The following LHFPL3 variants were observed in gnomAD, a reference collection of about 807,000 sequenced individuals.
The protein encoded by LHFPL3 is LHFPL tetraspan subfamily member 3.
In LHFPL3, 5 loss-of-function variants were observed where a neutral mutation model predicts 19.3. That is an observed-to-expected ratio of 0.26 (90% confidence interval 0.14 to 0.54). LHFPL3 has a LOEUF of 0.54. Ranked by LOEUF, LHFPL3 falls within the 20% of genes least tolerant of loss-of-function variation. The pLI is 0.94. For synonymous variants in LHFPL3, 133 were observed against 126.2 expected (o/e 1.05, Z -0.36); for missense variants, 249 against 307.4 (o/e 0.81, Z 1.42).
Position 104,328,794 on chromosome 7 carries a change from C to CGCCGCT in LHFPL3, c.21_26dup (p.Ala13_Ala14dup), listed in dbSNP as rs778078488. 19 of 1,599,140 alleles carry CGCCGCT rather than the reference C, an allele frequency of 1.2e-5. No individual in the cohort carries two copies. In the Middle Eastern group the frequency reaches 1.2e-3, roughly 98 times the overall value. ...GGAGGGGGAGAATGCCCGGAGCCGC[C>CGCCGCT]GCCGCTGCCGCCGCCGCCGCCGCCG... On this transcript the variant is annotated inframe_insertion, in exon 1 of 3. Transcript: ENST00000424859. The surrounding 1 kb of genome is among the most constrained non-coding windows in gnomAD (Gnocchi z 4.6).
At chr7:104,551,608 G>A (rs1171807920) in intron 1 of LHFPL3, among the ~76,000 whole-genome samples, 1 of 151,958 alleles carries the variant, frequency 6.6e-6, no homozygotes, top group Admixed American at 6.6e-5. Context: ...ATTTATTATA[G>A]TATTAATAGT....
chr7:104,659,702 C>A (rs1792188568), intron 1 of LHFPL3, among the ~76,000 whole-genome samples: 1 of 152,096 alleles, frequency 6.6e-6, no homozygotes, highest in African/African-American at 2.4e-5. Context: ...GATAGAAGGC[C>A]TTCACATTTG....
At chr7:104,576,669 T>C (rs1015419497) in intron 1 of LHFPL3, among the ~76,000 whole-genome samples, 4 of 152,176 alleles carry the variant, frequency 2.6e-5, no homozygotes, top group Admixed American at 6.5e-5. Context: ...TTGTTTTGTT[T>C]TGTTTTTTGC....
intron 1 of LHFPL3, among the ~76,000 whole-genome samples, chr7:104,511,260 C>T (rs1008513933): frequency 6.6e-6 from 1 of 152,088 alleles, no homozygotes; most frequent in African/African-American, 2.4e-5. Context: ...ACCACAATGA[C>T]GTATCACTAG....
At chr7:104,618,165 A>T (rs995857648) in intron 1 of LHFPL3, among the ~76,000 whole-genome samples, 5 of 152,218 alleles carry the variant, frequency 3.3e-5, no homozygotes, top group Non-Finnish European at 7.3e-5. Context: ...TCCTTACTGC[A>T]ATGTGCAATA....
At chr7:104,578,176 T>A (rs926981335) in intron 1 of LHFPL3, among the ~76,000 whole-genome samples, 28 of 152,216 alleles carry the variant, frequency 1.8e-4, no homozygotes, top group African/African-American at 6.8e-4. Flanking sequence ...TTTTGGAAAG[T>A]CACTGATTTA....
At chr7:104,893,855 C>T (rs571050222) in intron 2 of LHFPL3, among the ~76,000 whole-genome samples, 168 of 150,910 alleles carry the variant, frequency 1.1e-3, no homozygotes, top group African/African-American at 3.9e-3. Context: ...AGGAGGCTGA[C>T]GTGGGAGAAT....
intron 2 of LHFPL3, among the ~76,000 whole-genome samples, chr7:104,854,660 C>G (rs778514835): frequency 9.9e-5 from 15 of 152,162 alleles, no homozygotes; most frequent in Non-Finnish European, 1.9e-4. Context: ...TTATCACCTT[C>G]CGGTCTGAAG....
At chr7:104,736,044 C>A (rs1288221497) in intron 1 of LHFPL3, among the ~76,000 whole-genome samples, 2 of 152,034 alleles carry the variant, frequency 1.3e-5, no homozygotes, top group Non-Finnish European at 2.9e-5. Context: ...TTTGAGGATC[C>A]TCCATGTTGT....
At chr7:104,400,355 A>G (rs1584294296) in intron 1 of LHFPL3, among the ~76,000 whole-genome samples, 1 of 152,224 alleles carries the variant, frequency 6.6e-6, no homozygotes, top group South Asian at 2.1e-4. Flanking sequence ...CTAAGGTTGT[A>G]TTTGGTAGAC....
intron 1 of LHFPL3, among the ~76,000 whole-genome samples, chr7:104,344,480 C>T (rs184711320): frequency 5.3e-5 from 8 of 152,286 alleles, no homozygotes; most frequent in Admixed American, 5.2e-4. Context: ...CGTACCTATA[C>T]CTTAGCTCCC....
chr7:104,634,107 T>C (rs74428931), intron 1 of LHFPL3, among the ~76,000 whole-genome samples: 1,650 of 152,388 alleles, frequency 0.011, 33 homozygotes, highest in African/African-American at 0.037. Context: ...TGATGTCTTC[T>C]TCATTTTCTA....
chr7:104,571,481 TTCC>T (rs1790229988), intron 1 of LHFPL3, among the ~76,000 whole-genome samples: 1 of 152,176 alleles, frequency 6.6e-6, no homozygotes, highest in Non-Finnish European at 1.5e-5. Flanking sequence ...CCAGCTTTTC[TTCC>T]TCACCATGCA....
intron 1 of LHFPL3, among the ~76,000 whole-genome samples, chr7:104,541,123 C>CAG (rs1794478310): frequency 1.3e-5 from 2 of 151,170 alleles, no homozygotes; most frequent in Non-Finnish European, 3.0e-5. Flanking sequence ...CACACACACA[C>CAG]ACACACACAC....
intron 1 of LHFPL3, among the ~76,000 whole-genome samples, chr7:104,348,435 A>G (rs1461976777): frequency 6.6e-6 from 1 of 152,252 alleles, no homozygotes; most frequent in Non-Finnish European, 1.5e-5. Flanking sequence ...ACGATGAACT[A>G]TGAAACAAAC....
At chr7:104,567,516 G>A (rs1350477063) in intron 1 of LHFPL3, among the ~76,000 whole-genome samples, 2 of 152,230 alleles carry the variant, frequency 1.3e-5, no homozygotes, top group Admixed American at 1.3e-4. Flanking sequence ...ACCTGGATGA[G>A]CTCTCAGGTC....
chr7:104,469,641 G>T (rs950674812), intron 1 of LHFPL3, among the ~76,000 whole-genome samples: 10 of 152,026 alleles, frequency 6.6e-5, no homozygotes, highest in African/African-American at 2.4e-4. Context: ...TAGCCCTGGG[G>T]GATTTCCAGG....
chr7:104,332,374 C>T lies in LHFPL3; in HGVS notation c.445+3150C>T, dbSNP rs988188897. Among the ~76,000 whole-genome samples, 6 of 151,738 alleles carry T rather than the reference C, an allele frequency of 4.0e-5. No individual in the cohort carries two copies. In the South Asian group the frequency reaches 6.3e-4, roughly 16 times the overall value. On this transcript the variant is annotated intron_variant, in intron 1 of 2. Transcript: ENST00000424859. The stretch of plus-strand genomic sequence containing the variant: ...CCTCTTGAGTAGCTAGGGCTACAGG[C>T]GTGTGCCACCACACCAGGCTAATTT...
chr7:104,372,737 A>G (rs903162442), intron 1 of LHFPL3, among the ~76,000 whole-genome samples: 2 of 152,222 alleles, frequency 1.3e-5, no homozygotes, highest in Non-Finnish European at 2.9e-5. Context: ...TTTAAGTATT[A>G]CAAGAGATGT....
Sources: allele counts gnomAD v4.1 joint callset (sites outside exome capture counted in the v4.1 genomes callset), GRCh38; gene constraint gnomAD v4.1.1; non-coding constraint Gnocchi (gnomAD v3.1); transcripts MANE v1.5; gene names NCBI Gene and HGNC (gene_info 2026-07-23, HGNC 2026-07-21).